SPIDR: variants seen among roughly 807,000 people sequenced by gnomAD.
The protein encoded by SPIDR is scaffold protein involved in DNA repair.
SPIDR carries 93 observed loss-of-function variants against 104.6 expected under a neutral mutation model. The ratio of observed to expected loss-of-function variants is 0.89; its 90% CI spans 0.75 to 1.06. SPIDR has a LOEUF of 1.06. Ranked by LOEUF, SPIDR falls within the 50% of genes least tolerant of loss-of-function variation. SPIDR has a pLI of 0.00. For missense variants in SPIDR, 1,154 were observed against 1,111.2 expected (o/e 1.04, Z -0.55); for synonymous variants, 431 against 416.9 (o/e 1.03, Z -0.41).
chr8:47,343,106 C>CT (rs1563679886), intron 5 of SPIDR, among the ~76,000 whole-genome samples: 1 of 152,028 alleles, frequency 6.6e-6, no homozygotes, highest in African/African-American at 2.4e-5. Flanking sequence ...GGTATTTTTT[C>CT]TTTTTTAAAT....
At chr8:47,452,628 T>C (rs530374513) in intron 8 of SPIDR, among the ~76,000 whole-genome samples, 1 of 152,318 alleles carries the variant, frequency 6.6e-6, no homozygotes, top group African/African-American at 2.4e-5. Flanking sequence ...ATTATCTCAA[T>C]AGATGCAGAA....
intron 10 of SPIDR, among the ~76,000 whole-genome samples, chr8:47,663,749 G>T (rs765891277): frequency 2.0e-5 from 3 of 152,058 alleles, no homozygotes; most frequent in African/African-American, 7.2e-5. Context: ...TATAAATAAG[G>T]GCTAAAGAGC....
At chr8:47,699,680 G>C (rs568245214) in intron 11 of SPIDR, among the ~76,000 whole-genome samples, 5 of 152,044 alleles carry the variant, frequency 3.3e-5, no homozygotes, top group Admixed American at 3.3e-4. Flanking sequence ...TCAACCTCCC[G>C]AGTAGCTGGG....
chr8:47,551,815 T>A (rs2090536337), intron 8 of SPIDR, among the ~76,000 whole-genome samples: 1 of 152,160 alleles, frequency 6.6e-6, no homozygotes, highest in Admixed American at 6.5e-5. Flanking sequence ...TCTGCTAGCT[T>A]TTGAATTTTT....
chr8:47,684,311 G>A (rs1175588644), intron 11 of SPIDR, among the ~76,000 whole-genome samples: 1 of 151,976 alleles, frequency 6.6e-6, no homozygotes, highest in East Asian at 1.9e-4. Context: ...GTATAACCGA[G>A]TTAGCTCTGA....
chr8:47,730,492 G>A (rs1171271821), intron 19 of SPIDR, among the ~76,000 whole-genome samples: 1 of 152,246 alleles, frequency 6.6e-6, no homozygotes, highest in African/African-American at 2.4e-5. Context: ...CTGGAAGGGA[G>A]TGTGGTGACT....
At chr8:47,264,227 G>A (rs1249790017) in intron 1 of SPIDR, among the ~76,000 whole-genome samples, 1 of 152,172 alleles carries the variant, frequency 6.6e-6, no homozygotes, top group Non-Finnish European at 1.5e-5. Flanking sequence ...AAAGGACTGG[G>A]TTGACAGACT....
chr8:47,314,042 A>C (rs1231582261), intron 5 of SPIDR, among the ~76,000 whole-genome samples: 1 of 152,220 alleles, frequency 6.6e-6, no homozygotes, highest in Non-Finnish European at 1.5e-5. Context: ...CACTCCATTA[A>C]GAAATATACA....
At chr8:47,429,716 G>GT (rs1290220711) in intron 7 of SPIDR, among the ~76,000 whole-genome samples, 4 of 150,914 alleles carry the variant, frequency 2.7e-5, no homozygotes, top group Admixed American at 2.0e-4. Context: ...CTGCGCTGCA[G>GT]TTTTTTTACT....
At chr8:47,565,690 A>G (rs2057701233) in intron 8 of SPIDR, among the ~76,000 whole-genome samples, 1 of 151,284 alleles carries the variant, frequency 6.6e-6, no homozygotes, top group South Asian at 2.1e-4. Flanking sequence ...GCCATTTTAC[A>G]TTATGCTTTT....
At chr8:47,485,810 T>G (rs941647652) in intron 8 of SPIDR, among the ~76,000 whole-genome samples, 2 of 152,140 alleles carry the variant, frequency 1.3e-5, no homozygotes, top group Non-Finnish European at 2.9e-5. Flanking sequence ...CAAGGAAAAC[T>G]AACAAACAGC....
intron 1 of SPIDR, among the ~76,000 whole-genome samples, chr8:47,262,344 A>T (rs1368602160): frequency 6.6e-6 from 1 of 151,896 alleles, no homozygotes; most frequent in Non-Finnish European, 1.5e-5. Flanking sequence ...AATTTTTTTT[A>T]GTAGTCGTAC....
At chr8:47,610,121 T>C (rs1010171076) in intron 10 of SPIDR, among the ~76,000 whole-genome samples, 1 of 152,162 alleles carries the variant, frequency 6.6e-6, no homozygotes, top group Non-Finnish European at 1.5e-5. Context: ...AGCCATGGAA[T>C]TTTTTCCTCC....
At chr8:47,466,382 A>T (rs548316726) in intron 8 of SPIDR, among the ~76,000 whole-genome samples, 10 of 152,352 alleles carry the variant, frequency 6.6e-5, no homozygotes, top group African/African-American at 2.4e-4. Context: ...TCAAAACCGT[A>T]CAATTACATG....
intron 10 of SPIDR, among the ~76,000 whole-genome samples, chr8:47,602,792 A>G (rs922189313): frequency 6.6e-6 from 1 of 152,260 alleles, no homozygotes; most frequent in African/African-American, 2.4e-5. Context: ...TCAGGGTCAG[A>G]TAGATTCTCT....
chr8:47,643,371 G>A (rs1184688625), intron 10 of SPIDR, among the ~76,000 whole-genome samples: 1 of 151,958 alleles, frequency 6.6e-6, no homozygotes, highest in Non-Finnish European at 1.5e-5. Flanking sequence ...TTTGTTTTGA[G>A]ACAGTCTTCC....
Position 47,293,860 on chromosome 8 carries a change from T to G in SPIDR, c.362-7T>G. ...TAATTAAGCAAGTTAAAAATTATAT[T>G]TTTTAGATGAATTACAGTTTATCGA... is the stretch of plus-strand genomic sequence containing the variant. On this transcript the variant is annotated splice_region_variant and splice_polypyrimidine_tract_variant and intron_variant, in intron 4 of 19. Transcript: ENST00000297423. 1 of 1,599,584 alleles carries G rather than the reference T, an allele frequency of 6.3e-7. No individual in the cohort carries two copies. Among genetic ancestry groups the G allele is most frequent in the Non-Finnish European group, 8.5e-7 (1 of 1,172,364 alleles).
chr8:47,490,799 G>A (rs58913580), intron 8 of SPIDR, among the ~76,000 whole-genome samples: 3,740 of 152,182 alleles, frequency 0.025, 122 homozygotes, highest in African/African-American at 0.084. Context: ...TGGAAAATGA[G>A]AACACTTGGA....
intron 8 of SPIDR, among the ~76,000 whole-genome samples, chr8:47,491,398 C>T (rs1252008054): frequency 1.2e-4 from 18 of 151,936 alleles, no homozygotes; most frequent in African/African-American, 3.9e-4. Flanking sequence ...TAGAATTAAA[C>T]GGCCATGATA....
Sources: gnomAD v4.1 joint callset for allele counts (sites outside exome capture counted in the v4.1 genomes callset) on GRCh38, gnomAD v4.1.1 for gene constraint, MANE v1.5 for transcripts, NCBI Gene and HGNC (gene_info 2026-07-23, HGNC 2026-07-21) for gene names.